Variants in KIFBP observed in about 807,000 individuals in gnomAD.
KIFBP encodes kinesin family binding protein.
A neutral mutation model predicts 58.9 loss-of-function variants in KIFBP; 46 were observed. The ratio of observed to expected loss-of-function variants is 0.78; its 90% CI spans 0.62 to 1.00. The LOEUF (loss-of-function observed/expected upper bound fraction) is 1.00, where lower values mean the gene tolerates loss of function less well. KIFBP is among the 50% of genes least tolerant of loss of function. The pLI is 0.00. For synonymous variants in KIFBP, 241 were observed against 283.4 expected, an observed-to-expected ratio of 0.85 and a Z score of 1.50; for missense variants, 651 against 752.9, an observed-to-expected ratio of 0.86 and a Z score of 1.58.
In KIFBP at chr10:69,015,548, T is replaced by A. The variant is rs1411453116; in HGVS notation, c.998T>A (p.Ile333Lys). Residue 333 changes from isoleucine (I) to lysine (K), a missense_variant, in exon 7 of 7, where the codon ATA becomes AAA. Transcript: ENST00000361983. ...TATTTTTTTTTCCTTCAGGACAACA[T>A]AGGAGAGCTTGATCTTGATAAACAG... is the stretch of plus-strand genomic sequence containing the variant. ...QNAQLSMQDN[I>K]GELDLDKQSE... is the part of the protein sequence containing the mutation. 1 of 1,613,568 alleles carries A rather than the reference T, an allele frequency of 6.2e-7. No individual in the cohort carries two copies. The highest frequency in any genetic ancestry group is 1.3e-5 in the African/African-American group (1 of 74,956).
chr10:69,003,487 G>A (rs1278081843), intron 2 of KIFBP, among the ~76,000 whole-genome samples: 1 of 152,196 alleles, frequency 6.6e-6, no homozygotes, highest in Non-Finnish European at 1.5e-5. Context: ...AATGAATTCA[G>A]TTAAAAGCAA....
At chr10:68,998,727 CTACA>C (rs1195651214) in intron 1 of KIFBP, among the ~76,000 whole-genome samples, 1 of 140,062 alleles carries the variant, frequency 7.1e-6, no homozygotes, top group African/African-American at 2.6e-5. Context: ...ACTAACCCCA[CTACA>C]TACATACATA....
At position 69,000,448 on chromosome 10, in the gene KIFBP, G is replaced by A; in HGVS notation, c.451G>A (p.Glu151Lys). Reference sequence around the variant, plus strand: ...GAATAACCTGGGTATCTTGTGGTCTGAAAGAGAAGAAATTGAAACTGCACA... The same window carrying A: ...GAATAACCTGGGTATCTTGTGGTCTAAAAGAGAAGAAATTGAAACTGCACA... ...AQNNLGILWS[E>K]REEIETAQAY... The change falls in exon 2 of 7, where the codon GAA becomes AAA. Residue 151 changes from glutamate (E) to lysine (K), a missense_variant. Transcript: ENST00000361983. The A allele has an allele frequency of 6.2e-7, 1 of 1,611,042 alleles. No homozygotes were observed. Among genetic ancestry groups the A allele is most frequent in the Non-Finnish European group, 8.5e-7 (1 of 1,177,364 alleles).
At chr10:68,990,312 G>A (rs531427521) in intron 1 of KIFBP, among the ~76,000 whole-genome samples, 19 of 152,188 alleles carry the variant, frequency 1.2e-4, no homozygotes, top group African/African-American at 3.9e-4. Context: ...GGAGGATGGC[G>A]TGAGGTCAGT....
chr10:68,995,219 A>G (rs1164577339), intron 1 of KIFBP: 1 of 152,094 alleles, frequency 6.6e-6, no homozygotes, highest in Non-Finnish European at 1.5e-5. Flanking sequence ...GGGTTTCACC[A>G]TGTTGCCCAG....
At position 69,016,627 on chromosome 10, in the gene KIFBP, CA is replaced by C; in HGVS notation, c.*212del. 1 of 545,220 alleles carries C rather than the reference CA, an allele frequency of 1.8e-6. No homozygotes were observed. The highest frequency in any genetic ancestry group is 3.2e-6 in the Non-Finnish European group (1 of 309,150). 33.8% of individuals were successfully genotyped at this position (545,220 alleles called of 1,614,324 possible). A position where few individuals can be genotyped will look rare whatever the true frequency, so the allele number is the denominator to read the frequency against. The stretch of plus-strand genomic sequence containing the variant: ...ATTATGTAAATTGCCTTGTTAAAGA[CA>C]TGTGATTTGTATTTTAGATGCTTGT... On this transcript the variant is annotated 3_prime_UTR_variant, in exon 7 of 7. Transcript: ENST00000361983.
chr10:68,998,197 C>T (rs1377994531), intron 1 of KIFBP, among the ~76,000 whole-genome samples: 1 of 152,236 alleles, frequency 6.6e-6, no homozygotes, highest in Non-Finnish European at 1.5e-5. Flanking sequence ...GTGACCTGCC[C>T]GCTTCAGCCT....
intron 1 of KIFBP, among the ~76,000 whole-genome samples, chr10:68,994,293 A>G (rs1843381149): frequency 6.6e-6 from 1 of 152,210 alleles, no homozygotes; most frequent in South Asian, 2.1e-4. Context: ...AAGTTTATAT[A>G]CATGTGAATA....
chr10:68,996,783 G>A (rs1200721829), intron 1 of KIFBP, among the ~76,000 whole-genome samples: 1 of 151,970 alleles, frequency 6.6e-6, no homozygotes, highest in Non-Finnish European at 1.5e-5. Context: ...AACCCAGGAG[G>A]TGGAGGTTGC....
intron 1 of KIFBP, chr10:68,995,196 T>C (rs2132107855): frequency 6.6e-6 from 1 of 152,230 alleles, no homozygotes; most frequent in East Asian, 1.9e-4. Context: ...TTTTTGTATT[T>C]TTTGTAGAGG....
chr10:69,016,233 T>G lies in KIFBP; in HGVS notation c.1683T>G (p.Asp561Glu). ...TCTATGGCAAAATCATTACTGCAGA[T>G]CCCAAGAAAGAGCTGGAAAATTTGG... is the stretch of plus-strand genomic sequence containing the variant. ...ARLYGKIITADPKKELENLAT... is the reference protein window; with the variant it reads ...ARLYGKIITAEPKKELENLAT... Residue 561 changes from aspartate to glutamate, a missense_variant, in exon 7 of 7, where the codon GAT becomes GAG. Physicochemically the swap from Asp to Glu is conservative, Grantham distance 45 (BLOSUM62 2). Transcript: ENST00000361983. The G allele has an allele frequency of 6.2e-7, 1 of 1,604,364 alleles. No individual in the cohort carries two copies. Among genetic ancestry groups the G allele is most frequent in the Non-Finnish European group, 8.5e-7 (1 of 1,175,792 alleles).
Position 68,989,082 on chromosome 10 carries a change from G to A in KIFBP, c.250G>A (p.Glu84Lys), listed in dbSNP as rs121434515. Residue 84 changes from glutamate to lysine, a missense_variant, in exon 1 of 7, where the codon GAG (glutamate) becomes AAG (lysine). Coordinates refer to ENST00000361983, the MANE Select transcript of KIFBP (RefSeq NM_015634.4). ...LGLPAEVVEPEGPVAQRAVRL... is the reference protein window; with the variant it reads ...LGLPAEVVEPKGPVAQRAVRL... Reference sequence around the variant, plus strand: ...GCTGCCGGCTGAGGTGGTGGAGCCCGAGGGGCCCGTCGCCCAGCGAGCGGT... The same window carrying A: ...GCTGCCGGCTGAGGTGGTGGAGCCCAAGGGGCCCGTCGCCCAGCGAGCGGT... The A allele has an allele frequency of 1.9e-6, 3 of 1,611,132 alleles. No homozygotes were observed. In the African/African-American group the frequency reaches 4.0e-5, roughly 22 times the overall value.
Position 69,008,391 on chromosome 10 carries a change from A to AAAAATAT in KIFBP, c.790-449_790-448insAAATATA. Among the ~76,000 whole-genome samples, 292 of 71,566 alleles carry AAAAATAT rather than the reference A, an allele frequency of 4.1e-3. 4 individuals carry two copies. The highest frequency in any genetic ancestry group is 0.029 in the Admixed American group (161 of 5,514). The allele number at this position is 71,566 out of a possible 152,430, so 47.0% of individuals were successfully genotyped here. A position where few individuals can be genotyped will look rare whatever the true frequency, so the allele number is the denominator to read the frequency against. On this transcript the variant is annotated intron_variant, in intron 4 of 6. Coordinates refer to ENST00000361983, the MANE Select transcript of KIFBP (RefSeq NM_015634.4). ...CCCCTGTCTCGTAAAAAAAAAAAAA[A>AAAAATAT]ATATATATATATATATATATATATA...
At chr10:68,997,192 C>G (rs1843416167) in intron 1 of KIFBP, among the ~76,000 whole-genome samples, 1 of 152,020 alleles carries the variant, frequency 6.6e-6, no homozygotes, top group South Asian at 2.1e-4. Flanking sequence ...AGGTCCTTTC[C>G]AGGACCTCAT....
intron 1 of KIFBP, among the ~76,000 whole-genome samples, chr10:68,997,832 G>T (rs1166518524): frequency 1.3e-5 from 2 of 152,136 alleles, no homozygotes; most frequent in Non-Finnish European, 2.9e-5. Context: ...GTAGTCTAGA[G>T]ACTCACCTAG....
chr10:68,998,464 A>G (rs966794084), intron 1 of KIFBP, among the ~76,000 whole-genome samples: 4 of 151,492 alleles, frequency 2.6e-5, no homozygotes, highest in African/African-American at 7.3e-5. Flanking sequence ...GCTACAATTT[A>G]TTTCCTGTGT....
rs2132104619 is a variant in KIFBP at position 68,989,208 on chromosome 10, C to T, written c.376C>T (p.Arg126Cys). 1 of 1,613,594 alleles carries T rather than the reference C, an allele frequency of 6.2e-7. No homozygotes were observed. Among genetic ancestry groups the T allele is most frequent in the South Asian group, 1.1e-5 (1 of 91,062 alleles). ...EHLVKCLRLL[R>C]RYRLSHDCIS... Reference sequence around the variant, plus strand: ...CCTGGTGAAATGCCTGCGGCTGCTGCGCAGGTACCGGCTCTCGCACGACTG... The same window carrying T: ...CCTGGTGAAATGCCTGCGGCTGCTGTGCAGGTACCGGCTCTCGCACGACTG... The change falls in exon 1 of 7, where the codon CGC (arginine) becomes TGC (cysteine). Residue 126 changes from arginine (R) to cysteine (C), a missense_variant. Transcript: ENST00000361983.
intron 5 of KIFBP, among the ~76,000 whole-genome samples, chr10:69,010,210 T>C (rs946213403): frequency 6.6e-6 from 1 of 152,222 alleles, no homozygotes; most frequent in Non-Finnish European, 1.5e-5. Context: ...ATATTGTTGG[T>C]TGGCATATTT....
At chr10:69,007,876 T>G (rs2046878972) in intron 4 of KIFBP, 1 of 152,224 alleles carries the variant, frequency 6.6e-6, no homozygotes, top group Non-Finnish European at 1.5e-5. Flanking sequence ...AATGTTTCTA[T>G]TAACAAGGAG....
Sources: allele counts gnomAD v4.1 joint callset (sites outside exome capture counted in the v4.1 genomes callset), GRCh38; gene constraint gnomAD v4.1.1; transcripts MANE v1.5; gene names NCBI Gene and HGNC (gene_info 2026-07-23, HGNC 2026-07-21).